COLEC12: variants seen among roughly 807,000 people sequenced by gnomAD.
The protein encoded by COLEC12 is collectin-12.
COLEC12 carries 33 observed loss-of-function variants against 71.1 expected under a neutral mutation model. The ratio of observed to expected loss-of-function variants is 0.46; its 90% CI spans 0.35 to 0.62. The LOEUF (loss-of-function observed/expected upper bound fraction) is 0.62. COLEC12 is among the 20% of genes least tolerant of loss of function. COLEC12 has a pLI of 0.00. For missense variants in COLEC12, 765 were observed against 916.1 expected (o/e 0.84, Z 2.13); for synonymous variants, 350 against 353.0 (o/e 0.99, Z 0.10).
At chr18:443,608 G>T (rs1916587689) in intron 2 of COLEC12, among the ~76,000 whole-genome samples, 1 of 152,162 alleles carries the variant, frequency 6.6e-6, no homozygotes, top group Non-Finnish European at 1.5e-5. Context: ...CATGGTGTAG[G>T]GTAAGGGGAG....
intron 2 of COLEC12, among the ~76,000 whole-genome samples, chr18:373,098 G>A (rs1214378094): frequency 6.6e-6 from 1 of 152,188 alleles, no homozygotes; most frequent in African/African-American, 2.4e-5. Context: ...TGTGATAAGA[G>A]CCTCTTAGTT....
chr18:472,686 A>C (rs1361015097), intron 2 of COLEC12, among the ~76,000 whole-genome samples: 1 of 42,750 alleles, frequency 2.3e-5, no homozygotes. Flanking sequence ...GACAAAAAAA[A>C]AAAAAAAAAA....
intron 5 of COLEC12, among the ~76,000 whole-genome samples, chr18:342,424 A>G (rs721241): frequency 0.34 from 51,118 of 152,192 alleles, 9,267 homozygotes; most frequent in African/African-American, 0.45. Context: ...AAATGTCTAT[A>G]TGGCTGAACT....
At chr18:420,907 A>T (rs1916086548) in intron 2 of COLEC12, among the ~76,000 whole-genome samples, 1 of 152,082 alleles carries the variant, frequency 6.6e-6, no homozygotes, top group South Asian at 2.1e-4. Context: ...CATAGAACCC[A>T]GGAAGCAATG....
At chr18:398,918 T>A (rs1915624076) in intron 2 of COLEC12, among the ~76,000 whole-genome samples, 1 of 152,194 alleles carries the variant, frequency 6.6e-6, no homozygotes, top group South Asian at 2.1e-4. Context: ...TGATTCTAAG[T>A]GTCCATGGAC....
chr18:475,281 G>T (rs1598377031), intron 2 of COLEC12, among the ~76,000 whole-genome samples: 1 of 152,160 alleles, frequency 6.6e-6, no homozygotes, highest in South Asian at 2.1e-4. Flanking sequence ...GTTTGGAAAA[G>T]GTGCCTCTGG....
At chr18:474,627 T>C (rs1313599595) in intron 2 of COLEC12, among the ~76,000 whole-genome samples, 1 of 152,152 alleles carries the variant, frequency 6.6e-6, no homozygotes, top group East Asian at 1.9e-4. Flanking sequence ...AGGAACTCCC[T>C]TTCTCGGCGT....
intron 3 of COLEC12, among the ~76,000 whole-genome samples, chr18:355,091 C>T (rs1002618600): frequency 1.3e-5 from 2 of 152,012 alleles, no homozygotes; most frequent in Non-Finnish European, 2.9e-5. Flanking sequence ...ATCCATCCAT[C>T]CTCCCATTAA....
intron 2 of COLEC12, among the ~76,000 whole-genome samples, chr18:416,400 G>A (rs1915987014): frequency 6.6e-6 from 1 of 152,172 alleles, no homozygotes; most frequent in Non-Finnish European, 1.5e-5. Flanking sequence ...GATGAATCAG[G>A]TCAGAGGCTG....
At position 319,378 on chromosome 18, in the gene COLEC12, A is replaced by ATATGT. The variant is rs1913643259; in HGVS notation, c.*666_*667insACATA. The stretch of plus-strand genomic sequence containing the variant: ...TATATATATATACACATGTATATTT[A>ATATGT]ATTATTTTTTTAAAGCCACAATTGA... On this transcript the variant is annotated 3_prime_UTR_variant, in exon 10 of 10. Transcript: ENST00000400256. The ATATGT allele has an allele frequency of 7.1e-6, 1 of 141,728 alleles. No homozygotes were observed. The highest frequency in any genetic ancestry group is 7.3e-5 in the Admixed American group (1 of 13,712). 8.8% of individuals were successfully genotyped at this position (141,728 alleles called of 1,614,324 possible). A position where few individuals can be genotyped will look rare whatever the true frequency, so the allele number is the denominator to read the frequency against.
chr18:432,086 C>A (rs1916315644), intron 2 of COLEC12, among the ~76,000 whole-genome samples: 2 of 152,272 alleles, frequency 1.3e-5, no homozygotes, highest in East Asian at 3.9e-4. Context: ...AATACGCCAT[C>A]ACATCTTCTC....
At chr18:381,251 A>G (rs1915225959) in intron 2 of COLEC12, among the ~76,000 whole-genome samples, 1 of 152,236 alleles carries the variant, frequency 6.6e-6, no homozygotes, top group Non-Finnish European at 1.5e-5. Flanking sequence ...CCAAGTTTTC[A>G]ATGTCTGGCA....
At chr18:371,155 T>C (rs1203035743) in intron 2 of COLEC12, among the ~76,000 whole-genome samples, 1 of 152,176 alleles carries the variant, frequency 6.6e-6, no homozygotes, top group African/African-American at 2.4e-5. Context: ...TCTACAGTAC[T>C]TGGGGGAAAC....
chr18:480,830 C>T lies in COLEC12; in HGVS notation c.8-73G>A. On this transcript the variant is annotated intron_variant, in intron 1 of 9. Coordinates refer to ENST00000400256, the MANE Select transcript of COLEC12 (RefSeq NM_130386.3). The surrounding 1 kb of genome is among the most constrained non-coding windows in gnomAD (Gnocchi z 4.1). ...AAGCAGAGGGTGGGGCAGGATGCGA[C>T]CTGCTTCATCGCCCCTGCTTGTCAC... The T allele has an allele frequency of 8.0e-7, 1 of 1,245,198 alleles. No individual in the cohort carries two copies. The highest frequency in any genetic ancestry group is 1.2e-6 in the Non-Finnish European group (1 of 843,246). The allele number at this position is 1,245,198 out of a possible 1,614,324, so 77.1% of individuals were successfully genotyped here. A position where few individuals can be genotyped will look rare whatever the true frequency, so the allele number is the denominator to read the frequency against.
At chr18:492,015 A>G (rs1240256942) in intron 1 of COLEC12, among the ~76,000 whole-genome samples, 1 of 152,178 alleles carries the variant, frequency 6.6e-6, no homozygotes, top group East Asian at 1.9e-4. Context: ...GGTTCAGGAT[A>G]TTTTGTAGGG....
Position 500,215 on chromosome 18 carries a change from G to A in COLEC12, c.7+293C>T, listed in dbSNP as rs548827870. Among the ~76,000 whole-genome samples, 4 of 152,200 alleles carry A rather than the reference G, an allele frequency of 2.6e-5. No individual in the cohort carries two copies. In the East Asian group the frequency reaches 7.7e-4, roughly 29 times the overall value. ...GCAGGTTTTTTCAATTAAAAAGTTGGAAACGGGAATCCGTAAACAACGACT... is the reference window on the plus strand; with the variant it reads ...GCAGGTTTTTTCAATTAAAAAGTTGAAAACGGGAATCCGTAAACAACGACT... On this transcript the variant is annotated intron_variant, in intron 1 of 9. Transcript: ENST00000400256. The surrounding 1 kb of genome is among the most constrained non-coding windows in gnomAD (Gnocchi z 5.3).
In COLEC12 at chr18:362,885, G is replaced by A. The variant is rs1389487931; in HGVS notation, c.59-5363C>T. 6.6e-6 allele frequency among the ~76,000 whole-genome samples: 1 copy of A among 152,214 alleles called. No individual in the cohort carries two copies. The highest frequency in any genetic ancestry group is 3.4e-3 in the Middle Eastern group (1 of 294). ...TCTTTGTTATACAAAAAAGTGTGGG[G>A]GCCCAGTGAAGCCAAAATCGCTCTG... On this transcript the variant is annotated intron_variant, in intron 2 of 9. Coordinates refer to ENST00000400256, the MANE Select transcript of COLEC12 (RefSeq NM_130386.3). The surrounding 1 kb of genome is among the most constrained non-coding windows in gnomAD (Gnocchi z 4.6).
chr18:376,499 G>C (rs909253965), intron 2 of COLEC12, among the ~76,000 whole-genome samples: 4 of 152,186 alleles, frequency 2.6e-5, no homozygotes, highest in Admixed American at 2.6e-4. Context: ...CACTGTAGTA[G>C]AGTTGGCAAG....
chr18:350,315 T>C (rs1016563829), intron 3 of COLEC12, among the ~76,000 whole-genome samples: 5 of 152,268 alleles, frequency 3.3e-5, no homozygotes, highest in Non-Finnish European at 5.9e-5. Context: ...GTGTAAGAAG[T>C]GCCTTTTGCC....
Sources: gnomAD v4.1 joint callset for allele counts (sites outside exome capture counted in the v4.1 genomes callset) on GRCh38, gnomAD v4.1.1 for gene constraint, Gnocchi (gnomAD v3.1) non-coding constraint, MANE v1.5 for transcripts, NCBI Gene and HGNC (gene_info 2026-07-23, HGNC 2026-07-21) for gene names.